Variants in AUP1 observed in about 807,000 individuals in gnomAD.
AUP1 encodes lipid droplet-regulating VLDL assembly factor AUP1.
A neutral mutation model predicts 51.8 loss-of-function variants in AUP1; 30 were observed. The observed-to-expected ratio is 0.58, with a 90% confidence interval of 0.43 to 0.79. AUP1 has a LOEUF of 0.79. AUP1 is among the 30% of genes least tolerant of loss of function. AUP1 has a pLI of 0.00. For missense variants in AUP1, 492 were observed against 517.1 expected (o/e 0.95, Z 0.47); for synonymous variants, 227 against 209.0 (o/e 1.09, Z -0.74).
At chr2:74,528,614 G>A in intron 4 of AUP1, 125 bp from the exon 5 acceptor site, 1 of 1,394,376 alleles carries the variant, frequency 7.2e-7, no homozygotes, top group Non-Finnish European at 1.0e-6. Flanking sequence ...GGATTCAGGA[G>A]AAAGAACTTA....
At chr2:74,526,898 TC>T in intron 11 of AUP1, 42 bp downstream of exon 11, 3 of 1,608,280 alleles carry the variant, frequency 1.9e-6, no homozygotes, top group Non-Finnish European at 2.6e-6. Flanking sequence ...AATTCCATTC[TC>T]CAATTTGCCA....
Position 74,529,239 on chromosome 2 carries a change from G to C in AUP1, c.232C>G (p.Arg78Gly), listed in dbSNP as rs758485212. 10 of 1,614,088 alleles carry C rather than the reference G, an allele frequency of 6.2e-6. No homozygotes were observed. The South Asian group carries it at 8.8e-5, about 14-fold the overall frequency. The change falls in exon 3 of 12, where the codon CGG becomes GGG. Residue 78 changes from arginine (R) to glycine (G), a missense_variant. Transcript: ENST00000377526. The stretch of plus-strand genomic sequence containing the variant: ...TCCCGGAGTCCGGAGTCCTCCTGCC[G>C]GGCCACGAGCCCTAGCACCGCACAC... Reference protein sequence around the residue: ...TMCAVLGLVARQEDSGLRDHS... With the variant: ...TMCAVLGLVAGQEDSGLRDHS...
In AUP1 at chr2:74,529,691, G is replaced by A. The variant is rs756706815; in HGVS notation, c.-62C>T. The A allele has an allele frequency of 6.8e-5, 105 of 1,538,700 alleles. No homozygotes were observed. The highest frequency in any genetic ancestry group is 8.5e-5 in the Non-Finnish European group (98 of 1,146,336). On this transcript the variant is annotated 5_prime_UTR_variant, in exon 1 of 12. Coordinates refer to ENST00000377526, the MANE Select transcript of AUP1 (RefSeq NM_181575.5). ...CCGCCATTTTCGCGCCCGGCCGCAG[G>A]GGCTCTTGGGAAGGCGGAGTCTTTG... is the stretch of plus-strand genomic sequence containing the variant.
chr2:74,527,127 T>A lies in AUP1; in HGVS notation c.1078-68A>T, dbSNP rs1388665657. 1.2e-6 allele frequency: 2 copies of A among 1,612,062 alleles called. No homozygotes were observed. The highest frequency in any genetic ancestry group is 2.7e-5 in the African/African-American group (2 of 74,844). On this transcript the variant is annotated intron_variant, in intron 10 of 11. Coordinates refer to ENST00000377526, the MANE Select transcript of AUP1 (RefSeq NM_181575.5). Reference sequence around the variant, plus strand: ...ATTAAACACGCATCGAATGCCTACTTTGCAAGAGAGGCACTATGCTAGGGT... The same window carrying A: ...ATTAAACACGCATCGAATGCCTACTATGCAAGAGAGGCACTATGCTAGGGT...
At chr2:74,527,179 G>T (rs1323582393) in intron 10 of AUP1, 69 bp downstream of exon 10, 6 of 1,599,336 alleles carry the variant, frequency 3.8e-6, no homozygotes, top group East Asian at 2.2e-5. Flanking sequence ...AAAGGTCAGG[G>T]ATAAGGGAGT....
At chr2:74,527,399 T>C in intron 9 of AUP1, 36 bp from the exon 10 acceptor site, 1 of 1,612,274 alleles carries the variant, frequency 6.2e-7, no homozygotes, top group African/African-American at 1.3e-5. Context: ...ACTCCCTACT[T>C]ACTTTCTTCC....
At chr2:74,528,357 G>A (rs1675300414) in intron 5 of AUP1, 36 bp from the exon 6 acceptor site, 1 of 1,612,234 alleles carries the variant, frequency 6.2e-7, no homozygotes. Flanking sequence ...CTAAGCCAGG[G>A]CCAGGGATGG....
rs374600447 is a variant in AUP1, at chr2:74,526,736, G to T, written c.*64C>A. ...CACCCACCCATCCAGCCTGTTGTGA[G>T]TTGGGTGAGGGCTGCCCCCAGTCTC... On this transcript the variant is annotated 3_prime_UTR_variant, in exon 12 of 12. Coordinates refer to ENST00000377526, the MANE Select transcript of AUP1 (RefSeq NM_181575.5). 1.1e-5 allele frequency: 16 copies of T among 1,498,338 alleles called. No individual in the cohort carries two copies. Among genetic ancestry groups the T allele is most frequent in the Middle Eastern group, 2.1e-4 (1 of 4,822 alleles). 92.8% of individuals were successfully genotyped at this position (1,498,338 alleles called of 1,614,324 possible). A position where few individuals can be genotyped will look rare whatever the true frequency, so the allele number is the denominator to read the frequency against.
intron 3 of AUP1, 79 bp from the exon 4 acceptor site, chr2:74,529,014 A>G (rs753372120): frequency 6.2e-7 from 1 of 1,603,310 alleles, no homozygotes; most frequent in Admixed American, 1.7e-5. Flanking sequence ...TGGGTAGAGG[A>G]TCGGGGTTAG....
chr2:74,526,886 A>C (rs781311134), intron 11 of AUP1, 50 bp from the exon 12 acceptor site: 25 of 1,607,062 alleles, frequency 1.6e-5, no homozygotes, highest in Non-Finnish European at 2.1e-5. Flanking sequence ...TAGTAGCTCC[A>C]TAATTCCATT....
In AUP1 at chr2:74,529,503, G is replaced by T. The variant is rs769713877; in HGVS notation, c.51-4C>A. On this transcript the variant is annotated splice_region_variant and splice_polypyrimidine_tract_variant and intron_variant, in intron 1 of 11. Coordinates refer to ENST00000377526, the MANE Select transcript of AUP1 (RefSeq NM_181575.5). The stretch of plus-strand genomic sequence containing the variant: ...TAGGAAGCAGTCACCCGGAAGCCTG[G>T]GGGCGAGAGGCGAAGTGGTCAGGCG... 1.3e-6 allele frequency: 2 copies of T among 1,550,266 alleles called. No homozygotes were observed. Among genetic ancestry groups the T allele is most frequent in the East Asian group, 2.4e-5 (1 of 41,314 alleles).
At position 74,526,848 on chromosome 2, in the gene AUP1, A is replaced by G; in HGVS notation, c.1197-12T>C. On this transcript the variant is annotated splice_polypyrimidine_tract_variant and intron_variant, in intron 11 of 11. Transcript: ENST00000377526. ...TCTCTGTGAATCTCCTGTGGGACAT[A>G]GGGAGAGATATTATTCAGGCTTTGC... The G allele has an allele frequency of 6.3e-7, 1 of 1,579,056 alleles. No individual in the cohort carries two copies.
At position 74,527,337 on chromosome 2, in the gene AUP1, T is replaced by C. The variant is rs1356322891; in HGVS notation, c.988A>G (p.Ile330Val). The stretch of plus-strand genomic sequence containing the variant: ...ACGGCCCCCTCAAGCAGATTAGTGA[T>C]AGTCAAGTCTACACAGCCAGTCTTG... ...LAKTGCVDLT[I>V]TNLLEGAVAF... The change falls in exon 10 of 12, where the codon ATC becomes GTC. Residue 330 changes from isoleucine (I) to valine (V), a missense_variant. Ile to Val is a conservative substitution (Grantham distance 29, BLOSUM62 3). Coordinates refer to ENST00000377526, the MANE Select transcript of AUP1 (RefSeq NM_181575.5). The C allele has an allele frequency of 6.8e-6, 11 of 1,613,924 alleles. No homozygotes were observed. Among genetic ancestry groups the C allele is most frequent in the Non-Finnish European group, 8.5e-6 (10 of 1,180,006 alleles).
Position 74,527,554 on chromosome 2 carries a change from G to A in AUP1, c.878C>T (p.Pro293Leu). 6.2e-7 allele frequency: 1 copy of A among 1,613,492 alleles called. No individual in the cohort carries two copies. The highest frequency in any genetic ancestry group is 8.5e-7 in the Non-Finnish European group (1 of 1,179,862). The change falls in exon 9 of 12, where the codon CCT becomes CTT. Residue 293 changes from proline to leucine, a missense_variant. Coordinates refer to ENST00000377526, the MANE Select transcript of AUP1 (RefSeq NM_181575.5). ...SSFPPSPGPS[P>L]DVQLATLAQR... ...AGCCAGAGTTGCCAGTTGCACATCA[G>A]GAGAAGGACCAGGGGAGGGAGGGAA... is the stretch of plus-strand genomic sequence containing the variant.
Position 74,529,295 on chromosome 2 carries a change from G to A in AUP1, c.189-13C>T. The A allele has an allele frequency of 1.2e-6, 2 of 1,614,146 alleles. No homozygotes were observed. Among genetic ancestry groups the A allele is most frequent in the Non-Finnish European group, 1.7e-6 (2 of 1,180,000 alleles). ...CCGCACTACGAATCTGGGGACACAG[G>A]AGGTGGTGACTGTGTGGCCTCGGGC... On this transcript the variant is annotated splice_polypyrimidine_tract_variant and intron_variant, in intron 2 of 11. Transcript: ENST00000377526.
intron 6 of AUP1, 110 bp downstream of exon 6, chr2:74,528,138 T>C: frequency 6.8e-7 from 1 of 1,477,628 alleles, no homozygotes; most frequent in South Asian, 1.1e-5. Flanking sequence ...GTTGCCTCTG[T>C]GGTAGAACCT....
rs1203773622 is a variant in AUP1 at position 74,528,384 on chromosome 2, G to A, written c.597+33C>T. 3 of 1,611,576 alleles carry A rather than the reference G, an allele frequency of 1.9e-6. No individual in the cohort carries two copies. The African/African-American group carries it at 4.0e-5, about 22-fold the overall frequency. On this transcript the variant is annotated intron_variant, in intron 5 of 11. Transcript: ENST00000377526. ...CAGGGATGGGAAATTTCCCCTTCAA[G>A]CCCCAGAGATTCCCTGTTCAACACA...
chr2:74,529,097 C>A (rs1675369189), intron 3 of AUP1, 35 bp downstream of exon 3: 3 of 1,614,022 alleles, frequency 1.9e-6, no homozygotes, highest in South Asian at 2.2e-5. Flanking sequence ...CCCAGGGAAC[C>A]GCCCCGTGGC....
In AUP1 at chr2:74,529,658, C is replaced by T; in HGVS notation, c.-29G>A. On this transcript the variant is annotated 5_prime_UTR_variant, in exon 1 of 12. Transcript: ENST00000377526. Reference sequence around the variant, plus strand: ...TGCTGCTTCAGGAGCGCCCGGCCGTCGCCGCCGCCGCCATTTTCGCGCCCG... The same window carrying T: ...TGCTGCTTCAGGAGCGCCCGGCCGTTGCCGCCGCCGCCATTTTCGCGCCCG... The T allele has an allele frequency of 6.5e-7, 1 of 1,544,672 alleles. No individual in the cohort carries two copies. Among genetic ancestry groups the T allele is most frequent in the South Asian group, 1.2e-5 (1 of 84,118 alleles).
Sources: allele counts gnomAD v4.1 joint callset, GRCh38; gene constraint gnomAD v4.1.1; transcripts MANE v1.5; gene names NCBI Gene and HGNC (gene_info 2026-07-23, HGNC 2026-07-21).